Variants in SEMA4A observed in about 807,000 individuals in gnomAD.
SEMA4A encodes the protein semaphorin-4A.
A neutral mutation model predicts 72.5 loss-of-function variants in SEMA4A; 52 were observed. That is an observed-to-expected ratio of 0.72 (90% CI 0.57 to 0.90). The LOEUF (loss-of-function observed/expected upper bound fraction) is 0.90, where lower values mean the gene tolerates loss of function less well. Ranked by LOEUF, SEMA4A falls within the 40% of genes least tolerant of loss-of-function variation. SEMA4A has a pLI of 0.00. For synonymous variants in SEMA4A, 369 were observed against 393.1 expected, an observed-to-expected ratio of 0.94 and a Z score of 0.73; for missense variants, 926 against 959.7, an observed-to-expected ratio of 0.96 and a Z score of 0.46.
chr1:156,158,231 C>T lies in SEMA4A; in HGVS notation c.363+99C>T, dbSNP rs779425592. ...TCAGGTTGGGCGGCAGTGGAGGGCACTTGTTTGCACGGTTATCTCCTGGAT... is the reference window on the plus strand; with the variant it reads ...TCAGGTTGGGCGGCAGTGGAGGGCATTTGTTTGCACGGTTATCTCCTGGAT... On this transcript the variant is annotated intron_variant, in intron 4 of 14. Transcript: ENST00000368285. The T allele has an allele frequency of 4.6e-5, 63 of 1,355,550 alleles. 1 individual carries two copies. The Middle Eastern group carries it at 6.0e-4, about 13-fold the overall frequency. The allele number at this position is 1,355,550 out of a possible 1,614,324, so 84.0% of individuals were successfully genotyped here. A position where few individuals can be genotyped will look rare whatever the true frequency, so the allele number is the denominator to read the frequency against.
chr1:156,172,776 A>G (rs1207289937), intron 10 of SEMA4A, 50 bp from the exon 11 acceptor site: 1 of 1,532,682 alleles, frequency 6.5e-7, no homozygotes, highest in Non-Finnish European at 9.0e-7. Flanking sequence ...AGGGAGGGTG[A>G]GCTGAGGGGA....
Position 156,175,251 on chromosome 1 carries a change from C to A in SEMA4A, c.1592+8C>A, listed in dbSNP as rs764947735. On this transcript the variant is annotated splice_region_variant and intron_variant, in intron 13 of 14. Coordinates refer to ENST00000368285, the MANE Select transcript of SEMA4A (RefSeq NM_022367.4). ...CCTGTCTGCCCCCAACCTGTGAGTGCCAGTCCTGGATGGTGGCCTGGATGG... is the reference window on the plus strand; with the variant it reads ...CCTGTCTGCCCCCAACCTGTGAGTGACAGTCCTGGATGGTGGCCTGGATGG... 2.5e-6 allele frequency: 4 copies of A among 1,608,892 alleles called. No individual in the cohort carries two copies. The African/African-American group carries it at 5.3e-5, about 21-fold the overall frequency.
Position 156,174,182 on chromosome 1 carries a change from A to G in SEMA4A, c.1316-640A>G, listed in dbSNP as rs537522343. Among the ~76,000 whole-genome samples the G allele has an allele frequency of 2.6e-5, 4 of 152,336 alleles. No homozygotes were observed. The East Asian group carries it at 7.7e-4, about 29-fold the overall frequency. On this transcript the variant is annotated intron_variant, in intron 11 of 14. Transcript: ENST00000368285. ...GAGAATGCAGCAAGACTGCCCAGGC[A>G]GACTGCTCAGGCAGGATAACCTTGA... is the stretch of plus-strand genomic sequence containing the variant.
chr1:156,177,154 G>A lies in SEMA4A; in HGVS notation c.*157G>A. The A allele has an allele frequency of 2.7e-6, 2 of 732,594 alleles. No individual in the cohort carries two copies. The highest frequency in any genetic ancestry group is 4.8e-6 in the Non-Finnish European group (2 of 417,986). 45.4% of individuals were successfully genotyped at this position (732,594 alleles called of 1,614,324 possible). On this transcript the variant is annotated 3_prime_UTR_variant, in exon 15 of 15. Coordinates refer to ENST00000368285, the MANE Select transcript of SEMA4A (RefSeq NM_022367.4). ...CTGCATCACTGATGACACTCAGCAG[G>A]GTGATGCACAGCAGTCTGCCTCCCC...
In SEMA4A at chr1:156,154,677, A is replaced by G. The variant is rs765496404; in HGVS notation, c.99A>G (p.Gly33=). Residue 33 remains glycine, a synonymous_variant, in exon 2 of 15, where the codon GGA becomes GGG. Transcript: ENST00000368285. ...QLLLPTTTAG[G]GGQGPMPRVR... is the part of the protein sequence containing the mutation. ...TGCTGCCGACGACGACCGCGGGGGG[A>G]GGCGGGCAGGGGCCCATGCCCAGGG... The G allele has an allele frequency of 1.1e-5, 18 of 1,596,138 alleles. No individual in the cohort carries two copies. Among genetic ancestry groups the G allele is most frequent in the Non-Finnish European group, 1.5e-5 (17 of 1,171,948 alleles).
chr1:156,174,721 C>A, intron 11 of SEMA4A, 101 bp from the exon 12 acceptor site: 1 of 1,451,144 alleles, frequency 6.9e-7, no homozygotes, highest in Non-Finnish European at 9.6e-7. Flanking sequence ...GTACATATCA[C>A]CCTCAGAAGG....
intron 10 of SEMA4A, among the ~76,000 whole-genome samples, chr1:156,171,306 G>A (rs1044182725): frequency 6.6e-5 from 10 of 152,206 alleles, no homozygotes; most frequent in African/African-American, 2.4e-4. Flanking sequence ...CAGAGCCACA[G>A]CATCCTCATA....
chr1:156,173,242 G>A (rs746271845), intron 11 of SEMA4A, among the ~76,000 whole-genome samples: 23 of 152,188 alleles, frequency 1.5e-4, no homozygotes, highest in Non-Finnish European at 2.4e-4. Flanking sequence ...GGTCTTTGGT[G>A]GCTTTATCAA....
chr1:156,176,984 C>CT lies in SEMA4A; in HGVS notation c.2274dup (p.Glu759Ter). 2 of 1,609,966 alleles carry CT rather than the reference C, an allele frequency of 1.2e-6. No homozygotes were observed. Among genetic ancestry groups the CT allele is most frequent in the Middle Eastern group, 1.6e-4 (1 of 6,062 alleles). On this transcript the variant is annotated frameshift_variant, in exon 15 of 15. Transcript: ENST00000368285. LOFTEE classifies it high-confidence loss of function. Reference sequence around the variant, plus strand: ...GACGCTGACAACAACTGCCTAGGCACTGAGGTAGCTTAAACTCTAGGCACA... The same window carrying CT: ...GACGCTGACAACAACTGCCTAGGCACTTGAGGTAGCTTAAACTCTAGGCACA...
chr1:156,149,584 A>G (rs1259701130), upstream of SEMA4A: 1 of 152,202 alleles, frequency 6.6e-6, no homozygotes, highest in Non-Finnish European at 1.5e-5. Flanking sequence ...TTGTGGGCTC[A>G]TTCGTGTCCT....
upstream of SEMA4A, among the ~76,000 whole-genome samples, chr1:156,148,784 G>A (rs1652295804): frequency 6.6e-6 from 1 of 151,506 alleles, no homozygotes; most frequent in Non-Finnish European, 1.5e-5. Flanking sequence ...CAGCCTGGAA[G>A]GGGCTTTTTC....
Position 156,154,685 on chromosome 1 carries a change from A to G in SEMA4A, c.107A>G (p.Gln36Arg), listed in dbSNP as rs1163210245. Residue 36 changes from glutamine (Q) to arginine (R), a missense_variant, in exon 2 of 15, where the codon CAG (glutamine) becomes CGG (arginine). Gln to Arg is a conservative substitution (Grantham distance 43). Coordinates refer to ENST00000368285, the MANE Select transcript of SEMA4A (RefSeq NM_022367.4). Reference sequence around the variant, plus strand: ...ACGACGACCGCGGGGGGAGGCGGGCAGGGGCCCATGCCCAGGGTCAGATAC... The same window carrying G: ...ACGACGACCGCGGGGGGAGGCGGGCGGGGGCCCATGCCCAGGGTCAGATAC... ...LPTTTAGGGG[Q>R]GPMPRVRYYA... 6.3e-7 allele frequency: 1 copy of G among 1,593,540 alleles called. No homozygotes were observed. The highest frequency in any genetic ancestry group is 8.5e-7 in the Non-Finnish European group (1 of 1,170,570).
chr1:156,162,192 C>T (rs1054829995), intron 9 of SEMA4A, among the ~76,000 whole-genome samples: 1 of 152,164 alleles, frequency 6.6e-6, no homozygotes, highest in African/African-American at 2.4e-5. Context: ...ACCCGGGAGG[C>T]GGAGGTTGCA....
chr1:156,154,963 G>T, intron 2 of SEMA4A: 1 of 556,876 alleles, frequency 1.8e-6, no homozygotes, highest in Non-Finnish European at 3.2e-6. Context: ...CCAGGGGCAC[G>T]CTTCTTCCAG....
At chr1:156,174,040 G>A (rs1655065928) in intron 11 of SEMA4A, among the ~76,000 whole-genome samples, 1 of 152,196 alleles carries the variant, frequency 6.6e-6, no homozygotes, top group African/African-American at 2.4e-5. Flanking sequence ...GAACCTGGGA[G>A]GCAGAGGTTG....
At chr1:156,161,588 C>G (rs1417476250) in intron 9 of SEMA4A, 70 bp downstream of exon 9, 1 of 1,558,334 alleles carries the variant, frequency 6.4e-7, no homozygotes, top group African/African-American at 1.4e-5. Context: ...AGCTCGTGAG[C>G]GGAGGCAGGA....
rs1653543574 is a variant in SEMA4A, at chr1:156,160,935, C to T, written c.716C>T (p.Ser239Leu). Residue 239 changes from serine (S) to leucine (L), a missense_variant, in exon 8 of 15, where the codon TCG becomes TTG. Transcript: ENST00000368285. ...HDASFVAAIP[S>L]TQVVYFFFEE... ...GCCTCCTTTGTGGCAGCCATCCCTTCGACCCAGGTCGTCTACTTCTTCTTC... is the reference window on the plus strand; with the variant it reads ...GCCTCCTTTGTGGCAGCCATCCCTTTGACCCAGGTCGTCTACTTCTTCTTC... 1.2e-6 allele frequency: 2 copies of T among 1,613,484 alleles called. No individual in the cohort carries two copies. The highest frequency in any genetic ancestry group is 1.7e-6 in the Non-Finnish European group (2 of 1,179,914).
Position 156,158,145 on chromosome 1 carries a change from G to T in SEMA4A, c.363+13G>T. ...GAAGAGCAATGAGGTAAGTGGAGGTGGGGGAGTAGGGGTAGAGTGGGTAGA... is the reference window on the plus strand; with the variant it reads ...GAAGAGCAATGAGGTAAGTGGAGGTTGGGGAGTAGGGGTAGAGTGGGTAGA... On this transcript the variant is annotated intron_variant, in intron 4 of 14. Transcript: ENST00000368285. 1 of 1,613,682 alleles carries T rather than the reference G, an allele frequency of 6.2e-7. No individual in the cohort carries two copies. The highest frequency in any genetic ancestry group is 1.1e-5 in the South Asian group (1 of 91,056).
Position 156,176,309 on chromosome 1 carries a change from A to G in SEMA4A, c.1694-96A>G. 3 of 997,896 alleles carry G rather than the reference A, an allele frequency of 3.0e-6. No homozygotes were observed. In the East Asian group the frequency reaches 7.8e-5, roughly 26 times the overall value. The allele number at this position is 997,896 out of a possible 1,614,324, so 61.8% of individuals were successfully genotyped here. A position where few individuals can be genotyped will look rare whatever the true frequency, so the allele number is the denominator to read the frequency against. On this transcript the variant is annotated intron_variant, in intron 14 of 14. Transcript: ENST00000368285. The stretch of plus-strand genomic sequence containing the variant: ...AGAACCTGCCTCAAAAAAAAAAAAA[A>G]AAGAGGGCTGGGGTCCAAAGATAGG...
Sources: gnomAD v4.1 joint callset for allele counts (sites outside exome capture counted in the v4.1 genomes callset) on GRCh38, gnomAD v4.1.1 for gene constraint, MANE v1.5 for transcripts, NCBI Gene and HGNC (gene_info 2026-07-23, HGNC 2026-07-21) for gene names.